The following GRIN2B variants were observed in gnomAD, a reference collection of about 807,000 sequenced individuals.
GRIN2B encodes glutamate ionotropic receptor NMDA type subunit 2B.
In GRIN2B, 5 loss-of-function variants were observed where a neutral mutation model predicts 114.5. The ratio of observed to expected loss-of-function variants is 0.04; its 90% CI spans 0.02 to 0.09. GRIN2B has a LOEUF of 0.09. GRIN2B is among the 10% of genes least tolerant of loss of function. The pLI is 1.00. For synonymous variants in GRIN2B, 787 were observed against 745.1 expected, an observed-to-expected ratio of 1.06 and a Z score of -0.92; for missense variants, 1,108 against 1,943.5, an observed-to-expected ratio of 0.57 and a Z score of 8.08.
At chr12:13,941,416 G>A (rs1281964857) in intron 2 of GRIN2B, among the ~76,000 whole-genome samples, 1 of 152,186 alleles carries the variant, frequency 6.6e-6, no homozygotes, top group Non-Finnish European at 1.5e-5. Flanking sequence ...CTCCTGCTGT[G>A]AAGATGGACA....
Position 13,733,147 on chromosome 12 carries a change from G to T in GRIN2B, c.1010+20170C>A, listed in dbSNP as rs894012611. Reference sequence around the variant, plus strand: ...GAATTTCTGGTACGTGCAACAGGAAGGATAACCATGCCATTCCCCTGAGTT... The same window carrying T: ...GAATTTCTGGTACGTGCAACAGGAATGATAACCATGCCATTCCCCTGAGTT... On this transcript the variant is annotated intron_variant, in intron 4 of 13. Coordinates refer to ENST00000609686, the MANE Select transcript of GRIN2B (RefSeq NM_000834.5). 2.6e-5 allele frequency among the ~76,000 whole-genome samples: 4 copies of T among 152,162 alleles called. No homozygotes were observed. The East Asian group carries it at 7.7e-4, about 29-fold the overall frequency.
At chr12:13,739,508 C>T (rs1863245045) in intron 4 of GRIN2B, among the ~76,000 whole-genome samples, 1 of 151,746 alleles carries the variant, frequency 6.6e-6, no homozygotes, top group African/African-American at 2.4e-5. Flanking sequence ...TTCCCTGCCA[C>T]TGCTCTCTAC....
intron 3 of GRIN2B, among the ~76,000 whole-genome samples, chr12:13,770,294 G>T (rs1437890520): frequency 1.3e-5 from 2 of 152,170 alleles, no homozygotes; most frequent in African/African-American, 4.8e-5. Context: ...TTTCACACTG[G>T]CCAATGAAGT....
At chr12:13,616,809 A>G (rs531098780) in intron 5 of GRIN2B, 152 bp from the exon 6 acceptor site, 13 of 705,574 alleles carry the variant, frequency 1.8e-5, no homozygotes, top group Non-Finnish European at 3.4e-5. Context: ...TACTTTTTAA[A>G]TCATGTGCCC....
chr12:13,978,180 A>T (rs1438789816), intron 2 of GRIN2B, among the ~76,000 whole-genome samples: 1 of 152,196 alleles, frequency 6.6e-6, no homozygotes, highest in Admixed American at 6.5e-5. Flanking sequence ...GTATGAAAGC[A>T]TTGCACATGG....
Position 13,600,274 on chromosome 12 carries a change from T to C in GRIN2B, c.2010+8329A>G, listed in dbSNP as rs139554066. Among the ~76,000 whole-genome samples the C allele has an allele frequency of 6.5e-3, 987 of 152,286 alleles. 5 individuals are homozygous for C. Among genetic ancestry groups the C allele is most frequent in the Middle Eastern group, 0.02 (6 of 294 alleles). Reference sequence around the variant, plus strand: ...CTTCCTTCTCCTTCCTTCATTTCATTTTTGTGTTTCACAAAAAGATGAGTC... The same window carrying C: ...CTTCCTTCTCCTTCCTTCATTTCATCTTTGTGTTTCACAAAAAGATGAGTC... On this transcript the variant is annotated intron_variant, in intron 10 of 13. Coordinates refer to ENST00000609686, the MANE Select transcript of GRIN2B (RefSeq NM_000834.5).
intron 5 of GRIN2B, among the ~76,000 whole-genome samples, chr12:13,649,128 CT>C (rs1328375429): frequency 2.0e-5 from 3 of 152,004 alleles, no homozygotes. Flanking sequence ...TATTACTGAT[CT>C]TGCCAGGGGT....
chr12:13,943,783 G>A (rs1565595386), intron 2 of GRIN2B, among the ~76,000 whole-genome samples: 1 of 152,206 alleles, frequency 6.6e-6, no homozygotes, highest in African/African-American at 2.4e-5. Flanking sequence ...TTCCGTCACT[G>A]TCTAGCCCCT....
chr12:13,746,031 A>C (rs1863376165), intron 4 of GRIN2B, among the ~76,000 whole-genome samples: 1 of 152,154 alleles, frequency 6.6e-6, no homozygotes, highest in East Asian at 1.9e-4. Flanking sequence ...GAGACAAAAA[A>C]AATTTTTTAA....
chr12:13,811,484 G>A (rs1422495358), intron 3 of GRIN2B, among the ~76,000 whole-genome samples: 1 of 152,206 alleles, frequency 6.6e-6, no homozygotes, highest in Non-Finnish European at 1.5e-5. Flanking sequence ...GGAAGACTGA[G>A]GCAGGAGGAT....
intron 5 of GRIN2B, among the ~76,000 whole-genome samples, chr12:13,626,506 A>G (rs1417344377): frequency 6.6e-6 from 1 of 152,124 alleles, no homozygotes; most frequent in Non-Finnish European, 1.5e-5. Flanking sequence ...ATGTTGGACA[A>G]TTCTGAACTG....
intron 4 of GRIN2B, among the ~76,000 whole-genome samples, chr12:13,704,102 T>C (rs1950337345): frequency 6.6e-6 from 1 of 152,124 alleles, no homozygotes; most frequent in African/African-American, 2.4e-5. Flanking sequence ...AAAATAGTAA[T>C]GTGGTCATGA....
At chr12:13,778,488 C>A (rs1864046438) in intron 3 of GRIN2B, among the ~76,000 whole-genome samples, 1 of 152,210 alleles carries the variant, frequency 6.6e-6, no homozygotes, top group Non-Finnish European at 1.5e-5. Flanking sequence ...GGTCTTGTGG[C>A]TCCTATTCTG....
At chr12:13,704,938 A>G (rs1405448599) in intron 4 of GRIN2B, among the ~76,000 whole-genome samples, 1 of 152,140 alleles carries the variant, frequency 6.6e-6, no homozygotes, top group Non-Finnish European at 1.5e-5. Flanking sequence ...TGCCTAAAAT[A>G]TTAATGCCCC....
chr12:13,724,481 A>G (rs1862940969), intron 4 of GRIN2B, among the ~76,000 whole-genome samples: 1 of 152,128 alleles, frequency 6.6e-6, no homozygotes, highest in Non-Finnish European at 1.5e-5. Flanking sequence ...CATTCCTAAT[A>G]TACTCCTGGG....
chr12:13,691,222 C>T lies in GRIN2B; in HGVS notation c.1011-15363G>A, dbSNP rs148380783. Among the ~76,000 whole-genome samples the T allele has an allele frequency of 3.2e-3, 490 of 152,282 alleles. 7 individuals are homozygous for T. The highest frequency in any genetic ancestry group is 0.011 in the African/African-American group (474 of 41,560). On this transcript the variant is annotated intron_variant, in intron 4 of 13. Transcript: ENST00000609686. ...AAGATCTTCTCTACATTTGGCCCAA[C>T]TCTTAATAACCCAGGATGTCAGTAT... is the stretch of plus-strand genomic sequence containing the variant.
chr12:13,581,341 C>G (rs1948845977), intron 10 of GRIN2B, among the ~76,000 whole-genome samples: 1 of 152,180 alleles, frequency 6.6e-6, no homozygotes, highest in Non-Finnish European at 1.5e-5. Flanking sequence ...ATCACTAAAT[C>G]TTCCATAATA....
At chr12:13,713,238 C>T (rs2284411) in intron 4 of GRIN2B, among the ~76,000 whole-genome samples, 51,216 of 151,696 alleles carry the variant, frequency 0.34, 8,909 homozygotes, top group Non-Finnish European at 0.35. Context: ...TCTTGGTCCA[C>T]TTGATGCTCT....
chr12:13,639,491 C>G (rs548917460), intron 5 of GRIN2B, among the ~76,000 whole-genome samples: 1 of 152,284 alleles, frequency 6.6e-6, no homozygotes, highest in African/African-American at 2.4e-5. Context: ...TGTCCCATCT[C>G]CTTTTACGTT....
Sources: gnomAD v4.1 joint callset for allele counts (sites outside exome capture counted in the v4.1 genomes callset) on GRCh38, gnomAD v4.1.1 for gene constraint, MANE v1.5 for transcripts, NCBI Gene and HGNC (gene_info 2026-07-23, HGNC 2026-07-21) for gene names.